Variants in C12orf42 observed in about 807,000 individuals in gnomAD.
The protein encoded by C12orf42 is uncharacterized protein C12orf42.
In C12orf42, 25 loss-of-function variants were observed where a neutral mutation model predicts 21.6. That is an observed-to-expected ratio of 1.16 (90% CI 0.84 to 1.62). C12orf42 has a LOEUF of 1.62. Ranked by LOEUF, C12orf42 falls within the 40% of genes most tolerant of loss-of-function variation. The probability of loss-of-function intolerance (pLI) is 0.00; values close to 1 mark genes in which losing one functional copy is unlikely to be tolerated. For missense variants in C12orf42, 483 were observed against 459.3 expected, an observed-to-expected ratio of 1.05 and a Z score of -0.47; for synonymous variants, 174 against 175.0, an observed-to-expected ratio of 0.99 and a Z score of 0.05.
At chr12:103,156,682 G>A in the C12orf42 span, among the ~76,000 whole-genome samples, 2 of 152,000 alleles carry the variant, frequency 1.3e-5, no homozygotes, top group Non-Finnish European at 2.9e-5. Flanking sequence ...GTGTCCATGT[G>A]TTCTCATTGT....
chr12:103,227,629 G>A, the C12orf42 span, among the ~76,000 whole-genome samples: 1 of 152,008 alleles, frequency 6.6e-6, no homozygotes, highest in Non-Finnish European at 1.5e-5. Flanking sequence ...AGGGGTTGGG[G>A]TACTTGCCCC....
intron 4 of C12orf42, among the ~76,000 whole-genome samples, chr12:103,295,316 T>G (rs1455964846): frequency 6.6e-6 from 1 of 152,144 alleles, no homozygotes; most frequent in Non-Finnish European, 1.5e-5. Flanking sequence ...AAGATCACAT[T>G]TGGAGGATAC....
the C12orf42 span, among the ~76,000 whole-genome samples, chr12:103,070,580 T>C: frequency 0.022 from 3,396 of 151,262 alleles, 56 homozygotes; most frequent in African/African-American, 0.044. Flanking sequence ...TTAGTAGGAG[T>C]GTCCAAAAAT....
intron 10 of C12orf42, among the ~76,000 whole-genome samples, chr12:103,244,829 G>C (rs1189338802): frequency 6.6e-6 from 1 of 151,942 alleles, no homozygotes; most frequent in Admixed American, 6.6e-5. Context: ...AGTGTGCCAT[G>C]GACACACCAT....
At chr12:103,216,235 C>T in the C12orf42 span, among the ~76,000 whole-genome samples, 2 of 152,170 alleles carry the variant, frequency 1.3e-5, no homozygotes, top group African/African-American at 2.4e-5. Flanking sequence ...GAGGTGACAG[C>T]TCTAGGGAGT....
intron 2 of C12orf42, among the ~76,000 whole-genome samples, chr12:103,452,639 A>G (rs1318476750): frequency 1.3e-5 from 2 of 152,162 alleles, no homozygotes; most frequent in Admixed American, 1.3e-4. Context: ...ATGTCCATCA[A>G]TGATAGACTG....
At chr12:103,055,989 C>A in the C12orf42 span, among the ~76,000 whole-genome samples, 5 of 152,138 alleles carry the variant, frequency 3.3e-5, no homozygotes, top group African/African-American at 1.2e-4. Flanking sequence ...ATCCTTCAGG[C>A]ACTAAAAAGC....
At chr12:103,526,065 G>T in the C12orf42 span, among the ~76,000 whole-genome samples, 1 of 152,158 alleles carries the variant, frequency 6.6e-6, no homozygotes, top group Non-Finnish European at 1.5e-5. Flanking sequence ...TTCAGAGGCT[G>T]CTCTTTTAAG....
intron 4 of C12orf42, among the ~76,000 whole-genome samples, chr12:103,290,898 G>T (rs1052487630): frequency 6.6e-6 from 1 of 152,100 alleles, no homozygotes; most frequent in African/African-American, 2.4e-5. Context: ...GGAGGGGGGT[G>T]AGGGATGAAA....
At chr12:103,055,965 C>T in the C12orf42 span, among the ~76,000 whole-genome samples, 1 of 151,964 alleles carries the variant, frequency 6.6e-6, no homozygotes, top group South Asian at 2.1e-4. Flanking sequence ...ATGATATAGT[C>T]TATTTTGGTA....
At chr12:103,164,204 G>T in the C12orf42 span, among the ~76,000 whole-genome samples, 1 of 152,188 alleles carries the variant, frequency 6.6e-6, no homozygotes, top group African/African-American at 2.4e-5. Context: ...TCCACAAGAT[G>T]CTCTGTGTCA....
chr12:103,469,166 G>C (rs1414277621), intron 2 of C12orf42, among the ~76,000 whole-genome samples: 5 of 152,208 alleles, frequency 3.3e-5, no homozygotes, highest in Non-Finnish European at 7.3e-5. Context: ...AAGGGAGCAG[G>C]GAGCTTGGGA....
chr12:103,546,057 G>A, the C12orf42 span, among the ~76,000 whole-genome samples: 18 of 152,180 alleles, frequency 1.2e-4, no homozygotes, highest in East Asian at 5.8e-4. Flanking sequence ...ATAACCCTGA[G>A]AGAAGTTTAA....
chr12:103,236,992 C>T (rs542450726), downstream of C12orf42, among the ~76,000 whole-genome samples: 9 of 152,280 alleles, frequency 5.9e-5, no homozygotes, highest in East Asian at 7.7e-4. Flanking sequence ...CCAATGTCTG[C>T]GCTCTGCAAA....
At chr12:103,395,360 G>A (rs1272971907) in intron 3 of C12orf42, among the ~76,000 whole-genome samples, 4 of 149,264 alleles carry the variant, frequency 2.7e-5, no homozygotes, top group Non-Finnish European at 5.9e-5. Flanking sequence ...TTTTGAGACG[G>A]AGTCTCACTC....
intron 2 of C12orf42, among the ~76,000 whole-genome samples, chr12:103,430,341 G>A (rs552488371): frequency 1.6e-4 from 25 of 152,148 alleles, no homozygotes; most frequent in South Asian, 4.2e-4. Context: ...ACATCTATGC[G>A]GCCAACAATC....
intron 2 of C12orf42, among the ~76,000 whole-genome samples, chr12:103,460,798 A>G (rs1470310587): frequency 2.0e-5 from 3 of 152,218 alleles, no homozygotes; most frequent in Admixed American, 6.5e-5. Context: ...ATAAATGCAT[A>G]TGTCATATTT....
At chr12:103,243,485 C>A (rs775461180) in intron 10 of C12orf42, among the ~76,000 whole-genome samples, 2 of 151,836 alleles carry the variant, frequency 1.3e-5, no homozygotes, top group African/African-American at 2.4e-5. Context: ...ATAATTGTAT[C>A]CTTATTGTAA....
chr12:103,273,728 A>G (rs1486682768), intron 5 of C12orf42: 3 of 410,058 alleles, frequency 7.3e-6, no homozygotes, highest in Non-Finnish European at 1.5e-5. Context: ...AATTAGGGAA[A>G]AGAAGAAGGA....
Sources: allele counts gnomAD v4.1 joint callset (sites outside exome capture counted in the v4.1 genomes callset), GRCh38; gene constraint gnomAD v4.1.1; transcripts MANE v1.5; gene names NCBI Gene and HGNC (gene_info 2026-07-23, HGNC 2026-07-21).